The following COPG2 variants were observed in gnomAD, a reference collection of about 807,000 sequenced individuals.
COPG2 encodes the protein coat protein complex I subunit gamma 2.
In COPG2, 37 loss-of-function variants were observed where a neutral mutation model predicts 46.3. The ratio of observed to expected loss-of-function variants is 0.80; its 90% CI spans 0.61 to 1.05. COPG2 has a LOEUF of 1.05. COPG2 is among the 50% of genes least tolerant of loss of function. The probability of loss-of-function intolerance (pLI) is 0.00; values close to 1 mark genes in which losing one functional copy is unlikely to be tolerated. For synonymous variants in COPG2, 159 were observed against 129.7 expected (o/e 1.23, Z -1.53); for missense variants, 427 against 387.8 (o/e 1.10, Z -0.85).
chr7:130,661,179 ATCT>A (rs1411003735), intron 4 of COPG2, among the ~76,000 whole-genome samples: 1 of 152,202 alleles, frequency 6.6e-6, no homozygotes, highest in Non-Finnish European at 1.5e-5. Flanking sequence ...ACAATTTCAT[ATCT>A]TCTTTTCTTA....
chr7:130,639,264 G>C (rs1190119616), intron 5 of COPG2, among the ~76,000 whole-genome samples: 1 of 152,118 alleles, frequency 6.6e-6, no homozygotes, highest in Non-Finnish European at 1.5e-5. Flanking sequence ...TTTTCATTTG[G>C]TTTTGTATAT....
chr7:130,644,919 G>A (rs1240320529), intron 5 of COPG2, among the ~76,000 whole-genome samples: 19 of 151,962 alleles, frequency 1.3e-4, no homozygotes, highest in African/African-American at 3.9e-4. Flanking sequence ...AAAATTAGCC[G>A]GGTGTGGTGG....
intron 3 of COPG2, among the ~76,000 whole-genome samples, chr7:130,665,033 T>C (rs1796046517): frequency 1.3e-5 from 2 of 151,850 alleles, no homozygotes; most frequent in South Asian, 4.2e-4. Flanking sequence ...ATATAAAAAT[T>C]AGCCAGGCGT....
chr7:130,517,678 G>C (rs1385850985), intron 20 of COPG2, among the ~76,000 whole-genome samples: 2 of 152,214 alleles, frequency 1.3e-5, no homozygotes, highest in Admixed American at 6.5e-5. Context: ...TAAACCTCAA[G>C]AGTATAATGC....
At chr7:130,517,593 A>G (rs1799690097) in intron 20 of COPG2, among the ~76,000 whole-genome samples, 1 of 152,184 alleles carries the variant, frequency 6.6e-6, no homozygotes, top group Non-Finnish European at 1.5e-5. Context: ...CCATTTAGGG[A>G]GGGTGGGTGA....
chr7:130,552,351 T>C lies in COPG2; in HGVS notation c.1544+4A>G, dbSNP rs1793545205. 2.5e-6 allele frequency: 1 copy of C among 398,262 alleles called. No homozygotes were observed. Among genetic ancestry groups the C allele is most frequent in the Admixed American group, 4.4e-5 (1 of 22,704 alleles). The allele number at this position is 398,262 out of a possible 1,614,324, so 24.7% of individuals were successfully genotyped here. On this transcript the variant is annotated splice_donor_region_variant and intron_variant, in intron 15 of 23. Transcript: ENST00000425248. ...TTTTTTAGAAAAGACATTATTTAAC[T>C]TACCTCTGTAAGAGTACAAGGATGC...
At chr7:130,602,033 C>T (rs1794643492) in intron 9 of COPG2, among the ~76,000 whole-genome samples, 1 of 152,132 alleles carries the variant, frequency 6.6e-6, no homozygotes, top group Non-Finnish European at 1.5e-5. Context: ...GCAGGCTAGG[C>T]CAACGACTTG....
chr7:130,523,487 G>A (rs962799734), intron 20 of COPG2, among the ~76,000 whole-genome samples: 7 of 152,332 alleles, frequency 4.6e-5, no homozygotes, highest in Admixed American at 2.6e-4. Flanking sequence ...GGGCAGATAC[G>A]TGGAGTGCGA....
intron 5 of COPG2, among the ~76,000 whole-genome samples, chr7:130,640,270 T>C (rs1795439631): frequency 6.8e-6 from 1 of 146,816 alleles, no homozygotes; most frequent in Admixed American, 7.2e-5. Context: ...CAGTCTGCCC[T>C]TGGGTCAAAC....
chr7:130,667,369 C>A (rs1248711540), intron 2 of COPG2, 113 bp downstream of exon 2: 2 of 824,050 alleles, frequency 2.4e-6, no homozygotes, highest in Non-Finnish European at 2.0e-6. Flanking sequence ...ATTCCCTAAA[C>A]TCTGTTACGT....
At chr7:130,578,990 A>G (rs1794074945) in intron 9 of COPG2, among the ~76,000 whole-genome samples, 1 of 141,088 alleles carries the variant, frequency 7.1e-6, no homozygotes, top group African/African-American at 2.7e-5. Context: ...TTCAGGAAAT[A>G]CAGAGAACGC....
intron 5 of COPG2, among the ~76,000 whole-genome samples, chr7:130,642,186 A>T (rs1284756978): frequency 6.6e-6 from 1 of 152,112 alleles, no homozygotes; most frequent in African/African-American, 2.4e-5. Flanking sequence ...TGTAATGAGT[A>T]GAACAGTAAA....
chr7:130,595,135 GGATA>G (rs1554449545), intron 9 of COPG2, among the ~76,000 whole-genome samples: 1 of 152,056 alleles, frequency 6.6e-6, no homozygotes, highest in African/African-American at 2.4e-5. Flanking sequence ...ACAGATGAAT[GGATA>G]AATAAAATAC....
At chr7:130,622,523 A>G (rs1469532352) in intron 5 of COPG2, among the ~76,000 whole-genome samples, 1 of 152,066 alleles carries the variant, frequency 6.6e-6, no homozygotes, top group Non-Finnish European at 1.5e-5. Context: ...AAATTTGTTC[A>G]TGTCCTCCAT....
At chr7:130,650,120 A>C (rs928691620) in intron 5 of COPG2, among the ~76,000 whole-genome samples, 1 of 152,068 alleles carries the variant, frequency 6.6e-6, no homozygotes, top group Non-Finnish European at 1.5e-5. Flanking sequence ...GCAACACTGC[A>C]TCTCTGACCT....
intron 9 of COPG2, among the ~76,000 whole-genome samples, chr7:130,573,116 G>T (rs1355312210): frequency 1.3e-5 from 2 of 150,022 alleles, no homozygotes; most frequent in Non-Finnish European, 3.0e-5. Context: ...AGATGAAATG[G>T]AAAAATTCCT....
chr7:130,639,903 T>C (rs1274708753), intron 5 of COPG2, among the ~76,000 whole-genome samples: 7 of 152,160 alleles, frequency 4.6e-5, no homozygotes, highest in Non-Finnish European at 1.0e-4. Context: ...ACCTTCATGA[T>C]GAAGAGGTAA....
chr7:130,537,082 G>A (rs938327159), intron 20 of COPG2, among the ~76,000 whole-genome samples: 1 of 152,094 alleles, frequency 6.6e-6, no homozygotes, highest in East Asian at 1.9e-4. Flanking sequence ...GAGACTGGGT[G>A]CATTCGTACC....
chr7:130,666,793 T>A (rs1796087079), intron 3 of COPG2, 56 bp downstream of exon 3: 1 of 762,236 alleles, frequency 1.3e-6, no homozygotes, highest in Non-Finnish European at 2.2e-6. Flanking sequence ...TTTCACTGAA[T>A]CTTCAGTATT....
Sources: gnomAD v4.1 joint callset for allele counts (sites outside exome capture counted in the v4.1 genomes callset) on GRCh38, gnomAD v4.1.1 for gene constraint, MANE v1.5 for transcripts, NCBI Gene and HGNC (gene_info 2026-07-23, HGNC 2026-07-21) for gene names.